WASHC3: variants seen among roughly 807,000 people sequenced by gnomAD.
WASHC3 encodes the protein WASH complex subunit 3.
In WASHC3, 24 loss-of-function variants were observed where a neutral mutation model predicts 26.1. The observed-to-expected ratio is 0.92, with a 90% confidence interval of 0.66 to 1.29. The LOEUF (loss-of-function observed/expected upper bound fraction) is 1.29. Among genes scored for constraint, WASHC3 ranks in the 50% most tolerant of loss-of-function variants. The probability of loss-of-function intolerance (pLI) is 0.00; values close to 1 mark genes in which losing one functional copy is unlikely to be tolerated. For missense variants in WASHC3, 214 were observed against 229.6 expected (o/e 0.93, Z 0.44); for synonymous variants, 77 against 75.7 (o/e 1.02, Z -0.09).
chr12:102,059,209 A>C (rs1878711468), intron 2 of WASHC3, among the ~76,000 whole-genome samples: 1 of 152,228 alleles, frequency 6.6e-6, no homozygotes, highest in Non-Finnish European at 1.5e-5. Flanking sequence ...TCACCACAAA[A>C]AAAAGTAAGT....
At chr12:102,054,072 C>T (rs957971140) in intron 2 of WASHC3, among the ~76,000 whole-genome samples, 1 of 151,928 alleles carries the variant, frequency 6.6e-6, no homozygotes, top group African/African-American at 2.4e-5. Flanking sequence ...AAAGCAAAAA[C>T]CTAATAGTAA....
chr12:102,028,782 T>G (rs1877307810), intron 5 of WASHC3, among the ~76,000 whole-genome samples: 1 of 149,882 alleles, frequency 6.7e-6, no homozygotes, highest in Non-Finnish European at 1.5e-5. Context: ...TAATAAGAAT[T>G]ATATAATAAG....
intron 5 of WASHC3, among the ~76,000 whole-genome samples, chr12:102,031,823 G>A (rs914317083): frequency 3.3e-5 from 5 of 151,972 alleles, no homozygotes; most frequent in Admixed American, 6.6e-5. Context: ...AAATCACATC[G>A]TTATTAAGCT....
At chr12:102,021,591 G>A (rs1452859248) in intron 6 of WASHC3, among the ~76,000 whole-genome samples, 1 of 152,164 alleles carries the variant, frequency 6.6e-6, no homozygotes, top group Admixed American at 6.5e-5. Flanking sequence ...GTGTCTGCCA[G>A]CTAATGAATG....
At chr12:102,061,562 T>C (rs1594376639) in intron 1 of WASHC3, among the ~76,000 whole-genome samples, 2 of 152,274 alleles carry the variant, frequency 1.3e-5, no homozygotes, top group African/African-American at 4.8e-5. Flanking sequence ...GACTCACTGG[T>C]ACGAATTTTG....
intron 2 of WASHC3, among the ~76,000 whole-genome samples, chr12:102,052,810 T>C (rs1878445203): frequency 6.6e-6 from 1 of 151,610 alleles, no homozygotes; most frequent in Non-Finnish European, 1.5e-5. Context: ...ACCATCCCTG[T>C]GGACTCAAGT....
intron 4 of WASHC3, among the ~76,000 whole-genome samples, chr12:102,043,252 G>A (rs1878014114): frequency 6.6e-6 from 1 of 151,998 alleles, no homozygotes; most frequent in Non-Finnish European, 1.5e-5. Flanking sequence ...GACAATACCA[G>A]AGAATGTTTT....
At chr12:102,041,373 T>C (rs985193586) in intron 4 of WASHC3, among the ~76,000 whole-genome samples, 56 of 152,042 alleles carry the variant, frequency 3.7e-4, no homozygotes, top group Admixed American at 2.0e-4. Context: ...CTTTGCTATT[T>C]GAATGACCCA....
At chr12:102,019,878 T>A (rs1876875623) in intron 6 of WASHC3, among the ~76,000 whole-genome samples, 1 of 152,210 alleles carries the variant, frequency 6.6e-6, no homozygotes, top group Admixed American at 6.5e-5. Context: ...AAATCTGCCC[T>A]TTTTAGCATA....
At chr12:102,016,184 C>A (rs1594345187) in intron 6 of WASHC3, among the ~76,000 whole-genome samples, 1 of 152,084 alleles carries the variant, frequency 6.6e-6, no homozygotes, top group South Asian at 2.1e-4. Flanking sequence ...GCCACAGCGT[C>A]CAGCCTCTGT....
At chr12:102,037,326 A>G (rs1877706735) in intron 5 of WASHC3, among the ~76,000 whole-genome samples, 1 of 152,196 alleles carries the variant, frequency 6.6e-6, no homozygotes, top group Admixed American at 6.5e-5. Flanking sequence ...TAGGGAAGAG[A>G]GAGAGTAAAT....
At chr12:102,045,951 G>T in intron 3 of WASHC3, 103 bp downstream of exon 3, 1 of 664,200 alleles carries the variant, frequency 1.5e-6, no homozygotes, top group Non-Finnish European at 2.6e-6. Flanking sequence ...AGATACAGAA[G>T]TTAAATGGAA....
chr12:102,015,140 C>CA (rs1185651577), intron 6 of WASHC3, among the ~76,000 whole-genome samples: 1 of 151,914 alleles, frequency 6.6e-6, no homozygotes, highest in Admixed American at 6.6e-5. Flanking sequence ...CCATCCTTTG[C>CA]AAAAAAATAG....
chr12:102,018,986 A>G (rs1212690339), intron 6 of WASHC3, among the ~76,000 whole-genome samples: 1 of 151,970 alleles, frequency 6.6e-6, no homozygotes, highest in Non-Finnish European at 1.5e-5. Context: ...TTTAGTAGAG[A>G]CAGGGTTTCG....
At chr12:102,057,637 A>C (rs982867262) in intron 2 of WASHC3, among the ~76,000 whole-genome samples, 1 of 151,842 alleles carries the variant, frequency 6.6e-6, no homozygotes, top group Non-Finnish European at 1.5e-5. Context: ...AAACTATCTG[A>C]AAAAAAAGAA....
chr12:102,051,659 G>C (rs1432734068), intron 2 of WASHC3, among the ~76,000 whole-genome samples: 1 of 152,226 alleles, frequency 6.6e-6, no homozygotes, highest in East Asian at 1.9e-4. Context: ...TGGGAATCCA[G>C]TTCTGCTACT....
intron 5 of WASHC3, 103 bp downstream of exon 5, chr12:102,039,765 G>A: frequency 1.9e-6 from 1 of 522,144 alleles, no homozygotes; most frequent in South Asian, 3.2e-5. Flanking sequence ...TGGTTACTTG[G>A]TTTAGCAGTT....
chr12:102,050,788 G>C, intron 2 of WASHC3: 1 of 326,608 alleles, frequency 3.1e-6, no homozygotes, highest in Non-Finnish European at 6.1e-6. Context: ...AATATGCATA[G>C]AGCTTATGTT....
rs372233226 is a variant in WASHC3 at position 102,041,380 on chromosome 12, C to T, written c.325-1402G>A. ...TATTACACCTTTGCTATTTGAATGA[C>T]CCATTAAATCCTCTATCATATCTCT... On this transcript the variant is annotated intron_variant, in intron 4 of 6. Coordinates refer to ENST00000240079, the MANE Select transcript of WASHC3 (RefSeq NM_016053.4). Among the ~76,000 whole-genome samples the T allele has an allele frequency of 1.3e-4, 20 of 152,096 alleles. No homozygotes were observed. In the East Asian group the frequency reaches 3.7e-3, roughly 28 times the overall value.
Sources: gnomAD v4.1 joint callset for allele counts (sites outside exome capture counted in the v4.1 genomes callset) on GRCh38, gnomAD v4.1.1 for gene constraint, MANE v1.5 for transcripts, NCBI Gene and HGNC (gene_info 2026-07-23, HGNC 2026-07-21) for gene names.